SHOC1: variants seen among roughly 807,000 people sequenced by gnomAD.
The protein encoded by SHOC1 is protein shortage in chiasmata 1 ortholog.
SHOC1 carries 136 observed loss-of-function variants against 179.2 expected under a neutral mutation model. The ratio of observed to expected loss-of-function variants is 0.76; its 90% CI spans 0.66 to 0.87. SHOC1 has a LOEUF of 0.87. Ranked by LOEUF, SHOC1 falls within the 40% of genes least tolerant of loss-of-function variation. The probability of loss-of-function intolerance (pLI) is 0.00; values close to 1 mark genes in which losing one functional copy is unlikely to be tolerated. For missense variants in SHOC1, 1,538 were observed against 1,700.8 expected (o/e 0.90, Z 1.68); for synonymous variants, 489 against 586.6 (o/e 0.83, Z 2.41).
intron 16 of SHOC1, 81 bp from the exon 17 acceptor site, chr9:111,714,704 TAAGTC>T (rs1303406559): frequency 5.7e-6 from 7 of 1,232,742 alleles, no homozygotes; most frequent in Non-Finnish European, 7.9e-6. Flanking sequence ...TTAAAGAAAA[TAAGTC>T]AAAGCAGAGA....
chr9:111,753,233 C>T (rs1223185134), intron 8 of SHOC1, among the ~76,000 whole-genome samples: 1 of 152,132 alleles, frequency 6.6e-6, no homozygotes, highest in Non-Finnish European at 1.5e-5. Flanking sequence ...TTCCACTAAA[C>T]ATTTTAAAAA....
intron 3 of SHOC1, among the ~76,000 whole-genome samples, chr9:111,785,182 A>G (rs1432005461): frequency 6.6e-6 from 1 of 152,084 alleles, no homozygotes; most frequent in Non-Finnish European, 1.5e-5. Context: ...TTGCTTTCCC[A>G]TGATTCAGGT....
At chr9:111,757,203 C>T (rs1027347277) in intron 7 of SHOC1, among the ~76,000 whole-genome samples, 1 of 152,046 alleles carries the variant, frequency 6.6e-6, no homozygotes, top group Non-Finnish European at 1.5e-5. Flanking sequence ...CCTGGGTTCA[C>T]GCCATTCTCC....
At chr9:111,715,243 CAG>C (rs1354468619) in intron 16 of SHOC1, among the ~76,000 whole-genome samples, 5 of 152,080 alleles carry the variant, frequency 3.3e-5, no homozygotes, top group East Asian at 1.9e-4. Context: ...TGAATTTCAC[CAG>C]AGTTACCACC....
chr9:111,687,739 G>A (rs1406884321), intron 27 of SHOC1, among the ~76,000 whole-genome samples: 3 of 145,574 alleles, frequency 2.1e-5, no homozygotes, highest in Admixed American at 7.0e-5. Flanking sequence ...AATTCTGTCC[G>A]GTTTTTCTTC....
chr9:111,705,395 CTT>C, intron 20 of SHOC1, 31 bp from the exon 21 acceptor site: 1 of 1,096,050 alleles, frequency 9.1e-7, no homozygotes, highest in Non-Finnish European at 1.3e-6. Flanking sequence ...AAATATTTCT[CTT>C]TTATTCTCAT....
intron 20 of SHOC1, 89 bp from the exon 21 acceptor site, chr9:111,705,453 T>G (rs1419255682): frequency 1.3e-5 from 7 of 527,682 alleles, no homozygotes; most frequent in Non-Finnish European, 2.3e-5. Flanking sequence ...TGAGGATAAG[T>G]AGGAGTAGTA....
intron 18 of SHOC1, among the ~76,000 whole-genome samples, chr9:111,709,778 T>C (rs1832455369): frequency 6.6e-6 from 1 of 152,224 alleles, no homozygotes; most frequent in African/African-American, 2.4e-5. Context: ...CTGAGTTATC[T>C]GTAACTCAAA....
Position 111,748,781 on chromosome 9 carries a change from C to T in SHOC1, c.863-582G>A, listed in dbSNP as rs1197503405. Among the ~76,000 whole-genome samples the T allele has an allele frequency of 6.1e-5, 6 of 98,196 alleles. 1 individual carries two copies. The highest frequency in any genetic ancestry group is 1.0e-4 in the Non-Finnish European group (5 of 48,828). The allele number at this position is 98,196 out of a possible 152,430, so 64.4% of individuals were successfully genotyped here. On this transcript the variant is annotated intron_variant, in intron 8 of 27. Transcript: ENST00000682961. Reference sequence around the variant, plus strand: ...CCTTCCTTTCCTTCCTTCCTTCCCTCCCTCCCCTCCCCCCCTTCCTTCCTT... The same window carrying T: ...CCTTCCTTTCCTTCCTTCCTTCCCTTCCTCCCCTCCCCCCCTTCCTTCCTT...
intron 4 of SHOC1, 115 bp from the exon 5 acceptor site, chr9:111,776,090 A>T: frequency 1.4e-6 from 1 of 716,678 alleles, no homozygotes; most frequent in Non-Finnish European, 2.3e-6. Flanking sequence ...GACACAGAGA[A>T]GAAACATCTA....
chr9:111,731,959 A>G (rs1262420128), intron 12 of SHOC1, among the ~76,000 whole-genome samples: 1 of 152,164 alleles, frequency 6.6e-6, no homozygotes, highest in East Asian at 1.9e-4. Flanking sequence ...GTGAAGCACA[A>G]TAAAGTGAAG....
rs113353369 is a variant in SHOC1 at position 111,792,957 on chromosome 9, AC to A, written c.-36-1504del. Among the ~76,000 whole-genome samples the A allele has an allele frequency of 7.6e-3, 1,144 of 150,622 alleles. 14 individuals are homozygous for A. Among genetic ancestry groups the A allele is most frequent in the African/African-American group, 0.027 (1,089 of 40,886 alleles). On this transcript the variant is annotated intron_variant, in intron 1 of 27. Transcript: ENST00000682961. ...GAGTGCAGTGGCCGGATCTCAGCTC[AC>A]TGCAAGTTCCGCCTCCCAGGTTCAC...
chr9:111,718,739 T>C (rs890228481), intron 15 of SHOC1, among the ~76,000 whole-genome samples: 2 of 152,166 alleles, frequency 1.3e-5, no homozygotes, highest in East Asian at 1.9e-4. Context: ...AAGAAATACC[T>C]TGAAATGGAG....
At chr9:111,732,100 C>A (rs530673085) in intron 12 of SHOC1, among the ~76,000 whole-genome samples, 24 of 152,302 alleles carry the variant, frequency 1.6e-4, no homozygotes, top group Non-Finnish European at 3.2e-4. Flanking sequence ...GAAATAACCA[C>A]AACACACCCA....
chr9:111,714,498 G>GT lies in SHOC1; in HGVS notation c.2361dup (p.Gln788ThrfsTer18). 6.2e-7 allele frequency: 1 copy of GT among 1,613,778 alleles called. No homozygotes were observed. Among genetic ancestry groups the GT allele is most frequent in the South Asian group, 1.1e-5 (1 of 91,058 alleles). The stretch of plus-strand genomic sequence containing the variant: ...CTTAGTATCTGACATTGCAATTCTT[G>GT]TATCTTGTAGTTGGTTTCAGGCTTT... On this transcript the variant is annotated frameshift_variant, in exon 17 of 28. Transcript: ENST00000682961. LOFTEE classifies it high-confidence loss of function.
chr9:111,775,698 A>AT, intron 5 of SHOC1, 93 bp downstream of exon 5: 7 of 979,264 alleles, frequency 7.1e-6, no homozygotes, highest in South Asian at 2.1e-5. Flanking sequence ...TTAATAAAAA[A>AT]TTTTTTATTC....
chr9:111,715,200 T>C (rs1241894346), intron 16 of SHOC1, among the ~76,000 whole-genome samples: 4 of 152,150 alleles, frequency 2.6e-5, no homozygotes, highest in African/African-American at 4.8e-5. Context: ...CCTAATGATT[T>C]CTATGTCTAA....
chr9:111,781,393 G>A (rs2131633661), intron 3 of SHOC1, among the ~76,000 whole-genome samples: 1 of 152,250 alleles, frequency 6.6e-6, no homozygotes, highest in South Asian at 2.1e-4. Flanking sequence ...AATATTGTCA[G>A]TAGCACTTGG....
rs139029768 is a variant in SHOC1, at chr9:111,715,998, AT to A, written c.2237-1376del. Among the ~76,000 whole-genome samples the A allele has an allele frequency of 1.6e-3, 242 of 150,450 alleles. 1 individual carries two copies. Among genetic ancestry groups the A allele is most frequent in the Non-Finnish European group, 2.7e-3 (179 of 67,478 alleles). On this transcript the variant is annotated intron_variant, in intron 16 of 27. Coordinates refer to ENST00000682961, the MANE Select transcript of SHOC1 (RefSeq NM_001378211.1). ...AATTCTGGCAGCCAGACCTCCGTGG[AT>A]TTTTTTTTTCCTCTGCCATTATACA...
Sources: gnomAD v4.1 joint callset for allele counts (sites outside exome capture counted in the v4.1 genomes callset) on GRCh38, gnomAD v4.1.1 for gene constraint, MANE v1.5 for transcripts, NCBI Gene and HGNC (gene_info 2026-07-23, HGNC 2026-07-21) for gene names.